Variants in LRRC31 observed in about 807,000 individuals in gnomAD.
The protein encoded by LRRC31 is leucine-rich repeat-containing protein 31.
Under a neutral mutation model 46.7 loss-of-function variants are expected in LRRC31, and 35 were observed. The observed-to-expected ratio is 0.75, with a 90% CI of 0.57 to 0.99. The LOEUF (loss-of-function observed/expected upper bound fraction) is 0.99. Among genes scored for constraint, LRRC31 ranks in the 50% least tolerant of loss-of-function variants. LRRC31 has a pLI of 0.00. For missense variants in LRRC31, 613 were observed against 626.1 expected (o/e 0.98, Z 0.22); for synonymous variants, 236 against 235.1 (o/e 1.00, Z -0.03).
intron 6 of LRRC31, among the ~76,000 whole-genome samples, 164 bp downstream of exon 6, chr3:169,854,649 T>C (rs1260443538): frequency 6.6e-6 from 1 of 152,232 alleles, no homozygotes; most frequent in African/African-American, 2.4e-5. Context: ...GGGCGTTTAA[T>C]ACATGCCAAG....
At chr3:169,860,864 G>A in intron 2 of LRRC31, 136 bp from the exon 3 acceptor site, 1 of 769,188 alleles carries the variant, frequency 1.3e-6, no homozygotes, top group Non-Finnish European at 2.1e-6. Flanking sequence ...GCTGACTTTG[G>A]GCAAAGCAGG....
chr3:169,859,034 T>G (rs1331575777), intron 3 of LRRC31, among the ~76,000 whole-genome samples: 52 of 87,080 alleles, frequency 6.0e-4, no homozygotes, highest in Admixed American at 8.2e-4. Flanking sequence ...GGGTGGGGGA[T>G]GGGCACTAGG....
At chr3:169,845,691 A>T (rs1419535882) in intron 8 of LRRC31, among the ~76,000 whole-genome samples, 1 of 152,220 alleles carries the variant, frequency 6.6e-6, no homozygotes, top group African/African-American at 2.4e-5. Flanking sequence ...CTCATACCTT[A>T]TATAAAAATT....
intron 5 of LRRC31, among the ~76,000 whole-genome samples, chr3:169,855,528 A>G (rs1044407497): frequency 1.3e-5 from 2 of 152,200 alleles, no homozygotes; most frequent in Admixed American, 1.3e-4. Context: ...TGGAGTTTAC[A>G]TAGATTTTTA....
At chr3:169,860,038 G>A (rs1443321324) in intron 3 of LRRC31, among the ~76,000 whole-genome samples, 1 of 151,710 alleles carries the variant, frequency 6.6e-6, no homozygotes, top group African/African-American at 2.4e-5. Flanking sequence ...CAGCTACTTG[G>A]AAGGCTGAGG....
intron 8 of LRRC31, 84 bp downstream of exon 8, chr3:169,848,036 C>T: frequency 7.2e-7 from 1 of 1,393,928 alleles, no homozygotes; most frequent in Non-Finnish European, 9.9e-7. Context: ...CTGGTACCTC[C>T]CCCACCTCCC....
At chr3:169,840,427 T>A in intron 8 of LRRC31, 114 bp from the exon 9 acceptor site, 1 of 1,129,700 alleles carries the variant, frequency 8.9e-7, no homozygotes, top group Admixed American at 2.0e-5. Flanking sequence ...TAGTAATTAG[T>A]AATGATTTGT....
intron 7 of LRRC31, 39 bp downstream of exon 7, chr3:169,851,580 T>G: frequency 6.3e-7 from 1 of 1,580,054 alleles, no homozygotes; most frequent in Non-Finnish European, 8.6e-7. Flanking sequence ...CCTCGCACAT[T>G]ATTGCATGGT....
chr3:169,869,147 A>C (rs1351310227), intron 1 of LRRC31, among the ~76,000 whole-genome samples: 1 of 151,740 alleles, frequency 6.6e-6, no homozygotes, highest in African/African-American at 2.4e-5. Flanking sequence ...AAGGCAGGAA[A>C]ATCACCTGAG....
At chr3:169,849,445 A>C (rs1780693177) in intron 7 of LRRC31, among the ~76,000 whole-genome samples, 1 of 152,182 alleles carries the variant, frequency 6.6e-6, no homozygotes, top group Non-Finnish European at 1.5e-5. Flanking sequence ...AATGGCTGCA[A>C]TTCCTTTAAA....
At chr3:169,852,585 G>T (rs537089196) in intron 6 of LRRC31, among the ~76,000 whole-genome samples, 1 of 152,306 alleles carries the variant, frequency 6.6e-6, no homozygotes, top group Non-Finnish European at 1.5e-5. Context: ...GTAAGGCAAT[G>T]AAAACAAGCC....
Position 169,861,779 on chromosome 3 carries a change from G to A in LRRC31, c.210C>T (p.Ser70=), listed in dbSNP as rs754387888. The change falls in exon 2 of 9, where the codon TCC becomes TCT. Residue 70 remains serine (S), a synonymous_variant. Transcript: ENST00000316428. Reference sequence around the variant, plus strand: ...GGAAATGCTCATTTTTCTCCATACTGGATCTCCATTCCATTTCTGAACTGA... The same window carrying A: ...GGAAATGCTCATTTTTCTCCATACTAGATCTCCATTCCATTTCTGAACTGA... ...KPLSSEMEWR[S]SMEKNEHFLQ... is the part of the protein sequence containing the mutation. 17 of 1,613,890 alleles carry A rather than the reference G, an allele frequency of 1.1e-5. No homozygotes were observed. In the South Asian group the frequency reaches 1.4e-4, roughly 14 times the overall value.
At chr3:169,850,838 G>A (rs1382295861) in intron 7 of LRRC31, among the ~76,000 whole-genome samples, 1 of 152,086 alleles carries the variant, frequency 6.6e-6, no homozygotes, top group Admixed American at 6.5e-5. Flanking sequence ...CAAGTAAGAG[G>A]AGATATTTTG....
In LRRC31 at chr3:169,861,826, C is replaced by T. The variant is rs113213334; in HGVS notation, c.176-13G>A. 6.2e-7 allele frequency: 1 copy of T among 1,609,168 alleles called. No individual in the cohort carries two copies. Among genetic ancestry groups the T allele is most frequent in the East Asian group, 2.2e-5 (1 of 44,804 alleles). ...CTGAGAGGCTTAGCTGTGTGATAAG[C>T]ATAAAAAAGAATTTGCTGTTAATGA... is the stretch of plus-strand genomic sequence containing the variant. On this transcript the variant is annotated splice_polypyrimidine_tract_variant and intron_variant, in intron 1 of 8. Transcript: ENST00000316428.
intron 1 of LRRC31, among the ~76,000 whole-genome samples, chr3:169,868,454 C>T (rs1781397247): frequency 6.6e-6 from 1 of 152,164 alleles, no homozygotes; most frequent in Non-Finnish European, 1.5e-5. Context: ...CCTTAGCCTG[C>T]ATTATTTTTC....
At chr3:169,846,385 C>T (rs1037237729) in intron 8 of LRRC31, among the ~76,000 whole-genome samples, 6 of 152,208 alleles carry the variant, frequency 3.9e-5, no homozygotes, top group Non-Finnish European at 8.8e-5. Context: ...CACGGTGGCT[C>T]ACGCCTGTAA....
intron 8 of LRRC31, among the ~76,000 whole-genome samples, chr3:169,843,410 C>T (rs542443487): frequency 6.6e-6 from 1 of 152,342 alleles, no homozygotes; most frequent in East Asian, 1.9e-4. Flanking sequence ...CTCAGCCAGG[C>T]TGACACCTTG....
At chr3:169,848,023 G>T in intron 8 of LRRC31, 97 bp downstream of exon 8, 3 of 1,236,738 alleles carry the variant, frequency 2.4e-6, no homozygotes, top group Non-Finnish European at 3.4e-6. Context: ...CTTCACCCCA[G>T]GTCTGGTACC....
In LRRC31 at chr3:169,856,739, A is replaced by G. The variant is rs1352586928; in HGVS notation, c.621T>C (p.Asp207=). The G allele has an allele frequency of 1.2e-6, 2 of 1,602,796 alleles. No individual in the cohort carries two copies. The highest frequency in any genetic ancestry group is 2.3e-5 in the East Asian group (1 of 44,316). The change falls in exon 4 of 9, where the codon GAT becomes GAC. Residue 207 remains aspartate (D), a synonymous_variant. Transcript: ENST00000316428. Reference sequence around the variant, plus strand: ...TCCCATCTTCTGACGTGAGGGAGCAATCCACAAGCTCAATCATTTGTATCT... The same window carrying G: ...TCCCATCTTCTGACGTGAGGGAGCAGTCCACAAGCTCAATCATTTGTATCT... The part of the protein sequence containing the change: ...GSKIQMIELV[D]CSLTSEDGTF...
Sources: gnomAD v4.1 joint callset for allele counts (sites outside exome capture counted in the v4.1 genomes callset) on GRCh38, gnomAD v4.1.1 for gene constraint, MANE v1.5 for transcripts, NCBI Gene and HGNC (gene_info 2026-07-23, HGNC 2026-07-21) for gene names.